Variants in HAS3 observed in about 807,000 individuals in gnomAD.
HAS3 encodes HA synthase 3.
HAS3 carries 27 observed loss-of-function variants against 50.3 expected under a neutral mutation model. That is an observed-to-expected ratio of 0.54 (90% CI 0.40 to 0.74). The LOEUF is 0.74. Ranked by LOEUF, HAS3 falls within the 30% of genes least tolerant of loss-of-function variation. HAS3 has a pLI of 0.00. For missense variants in HAS3, 517 were observed against 742.8 expected (o/e 0.70, Z 3.53); for synonymous variants, 339 against 310.9 (o/e 1.09, Z -0.95).
At position 69,109,541 on chromosome 16, in the gene HAS3, G is replaced by A; in HGVS notation, c.146G>A (p.Gly49Asp). ...CACTACCTGTCCTTCGGCCTGTACG[G>A]CGCCATCCTGGGCCTGCACCTGCTC... is the stretch of plus-strand genomic sequence containing the variant. ...EKHYLSFGLY[G>D]AILGLHLLIQ... The change falls in exon 2 of 4, where the codon GGC becomes GAC. Residue 49 changes from glycine (G) to aspartate (D), a missense_variant. Physicochemically the swap from Gly to Asp is moderately conservative, Grantham distance 94. Transcript: ENST00000569188. The surrounding 1 kb of genome is among the most constrained non-coding windows in gnomAD (Gnocchi z 5.3). 6.2e-7 allele frequency: 1 copy of A among 1,613,918 alleles called. No homozygotes were observed. Among genetic ancestry groups the A allele is most frequent in the Non-Finnish European group, 8.5e-7 (1 of 1,180,030 alleles).
rs978683718 is a variant in HAS3 at position 69,115,421 on chromosome 16, T to C, written c.*155T>C. ...TAAAATGCAAAGAACGGTGATGTAG[T>C]ATGGCCTGACAGCTCTGTTTAGAGG... On this transcript the variant is annotated 3_prime_UTR_variant, in exon 4 of 4. Transcript: ENST00000569188. The C allele has an allele frequency of 7.3e-7, 1 of 1,368,820 alleles. No individual in the cohort carries two copies. 84.8% of individuals were successfully genotyped at this position (1,368,820 alleles called of 1,614,324 possible). A position where few individuals can be genotyped will look rare whatever the true frequency, so the allele number is the denominator to read the frequency against.
the HAS3 span, among the ~76,000 whole-genome samples, chr16:69,100,640 A>T: frequency 6.6e-6 from 1 of 152,212 alleles, no homozygotes; most frequent in East Asian, 1.9e-4. Context: ...AGCGGAGCAG[A>T]ACCGTGGGAC....
At chr16:69,087,355 T>A in the HAS3 span, among the ~76,000 whole-genome samples, 1 of 152,250 alleles carries the variant, frequency 6.6e-6, no homozygotes, top group Non-Finnish European at 1.5e-5. Context: ...CTTTTTCAGG[T>A]TAGACTTCCT....
At chr16:69,117,983 A>G, downstream of HAS3, 1 of 252,000 alleles carries the variant, frequency 4.0e-6, no homozygotes. Flanking sequence ...CCTATGAAAC[A>G]GGTAACAAAA....
At position 69,115,961 on chromosome 16, in the gene HAS3, G is replaced by C. The variant is rs1961164719; in HGVS notation, c.*695G>C. 3.0e-6 allele frequency: 3 copies of C among 985,840 alleles called. No homozygotes were observed. Among genetic ancestry groups the C allele is most frequent in the Non-Finnish European group, 3.6e-6 (3 of 829,944 alleles). 61.1% of individuals were successfully genotyped at this position (985,840 alleles called of 1,614,324 possible). ...TTGCCAGGAGGAACAAAGAGATTGT[G>C]GTGGTGCTAAAGGAGGCCATAAGCT... is the stretch of plus-strand genomic sequence containing the variant. On this transcript the variant is annotated 3_prime_UTR_variant, in exon 4 of 4. Transcript: ENST00000569188.
chr16:69,111,851 A>G (rs1038807428), intron 2 of HAS3, among the ~76,000 whole-genome samples: 4 of 152,182 alleles, frequency 2.6e-5, no homozygotes, highest in African/African-American at 9.7e-5. Context: ...CCCTTCAAGC[A>G]CAGGATCTCA....
At chr16:69,095,454 C>A in the HAS3 span, among the ~76,000 whole-genome samples, 1 of 152,070 alleles carries the variant, frequency 6.6e-6, no homozygotes, top group African/African-American at 2.4e-5. Flanking sequence ...TAAGTCTCCG[C>A]TGAGGAGAAC....
upstream of HAS3, among the ~76,000 whole-genome samples, chr16:69,100,693 G>A (rs748401446): frequency 1.4e-4 from 21 of 152,174 alleles, no homozygotes; most frequent in Non-Finnish European, 2.5e-4. Context: ...TGCAGCTTCC[G>A]GCACTGGTGA....
At position 69,116,565 on chromosome 16, in the gene HAS3, C is replaced by T; in HGVS notation, c.*1299C>T. 1.0e-6 allele frequency: 1 copy of T among 985,730 alleles called. No homozygotes were observed. Among genetic ancestry groups the T allele is most frequent in the Non-Finnish European group, 1.2e-6 (1 of 829,884 alleles). The allele number at this position is 985,730 out of a possible 1,614,324, so 61.1% of individuals were successfully genotyped here. A position where few individuals can be genotyped will look rare whatever the true frequency, so the allele number is the denominator to read the frequency against. On this transcript the variant is annotated 3_prime_UTR_variant, in exon 4 of 4. Coordinates refer to ENST00000569188, the MANE Select transcript of HAS3 (RefSeq NM_001199280.2). ...CAGTGGCTTCTCCAGGGAATTCTTA[C>T]AGCCAAGTTGTGACAGTCACTGCAT...
chr16:69,105,948 C>T (rs1004691905), intron 1 of HAS3, among the ~76,000 whole-genome samples, 161 bp downstream of exon 1: 5 of 152,258 alleles, frequency 3.3e-5, no homozygotes, highest in African/African-American at 1.2e-4. Flanking sequence ...AGGGCGATTG[C>T]AGAGCCGCGT....
Position 69,114,294 on chromosome 16 carries a change from C to G in HAS3, c.739-49C>G. On this transcript the variant is annotated intron_variant, in intron 3 of 3. Coordinates refer to ENST00000569188, the MANE Select transcript of HAS3 (RefSeq NM_001199280.2). The surrounding 1 kb of genome is among the most constrained non-coding windows in gnomAD (Gnocchi z 6.4). ...AGGCCTCGTGGTCTCTGATGTCTGT[C>G]CTCCGGACGTGCAACCTTAGGAGGC... The G allele has an allele frequency of 6.5e-7, 1 of 1,536,230 alleles. No homozygotes were observed. The highest frequency in any genetic ancestry group is 8.7e-7 in the Non-Finnish European group (1 of 1,146,832).
chr16:69,099,204 C>T, the HAS3 span, among the ~76,000 whole-genome samples: 6 of 152,080 alleles, frequency 3.9e-5, no homozygotes, highest in Non-Finnish European at 5.9e-5. Context: ...ATCTCCTGAC[C>T]TTGTGATCTA....
chr16:69,112,886 G>A (rs1290292861), intron 2 of HAS3, among the ~76,000 whole-genome samples: 1 of 152,246 alleles, frequency 6.6e-6, no homozygotes, highest in Admixed American at 6.5e-5. Flanking sequence ...CCTGGTCCGA[G>A]AGGCTCGGCC....
chr16:69,084,175 C>T, the HAS3 span: 1 of 152,456 alleles, frequency 6.6e-6, no homozygotes, highest in Non-Finnish European at 1.5e-5. Context: ...AAATAGTTAT[C>T]AAATAATGCA....
the HAS3 span, among the ~76,000 whole-genome samples, chr16:69,088,557 CAAAAAA>C: frequency 1.9e-5 from 1 of 52,288 alleles, no homozygotes; most frequent in African/African-American, 6.1e-5. Context: ...GACTCCATCT[CAAAAAA>C]AAAAAAAAAA....
chr16:69,105,573 A>C (rs989784061), upstream of HAS3: 4 of 152,268 alleles, frequency 2.6e-5, no homozygotes, highest in Admixed American at 6.5e-5. Flanking sequence ...CCTTAAAGTC[A>C]TCAGCGCCCC....
chr16:69,099,986 G>C, the HAS3 span, among the ~76,000 whole-genome samples: 1 of 152,106 alleles, frequency 6.6e-6, no homozygotes, highest in African/African-American at 2.4e-5. Context: ...CAGCATAAAA[G>C]AACCTGGCCC....
chr16:69,100,545 T>C, the HAS3 span, among the ~76,000 whole-genome samples: 1 of 152,078 alleles, frequency 6.6e-6, no homozygotes, highest in African/African-American at 2.4e-5. Context: ...CAGTGAAGCG[T>C]TAAGGGCAGA....
chr16:69,101,577 T>A (rs1159823963), upstream of HAS3, among the ~76,000 whole-genome samples: 2 of 152,084 alleles, frequency 1.3e-5, no homozygotes, highest in African/African-American at 4.8e-5. Context: ...TCTAAACACA[T>A]GTCCCCCATT....
Sources: allele counts gnomAD v4.1 joint callset (sites outside exome capture counted in the v4.1 genomes callset), GRCh38; gene constraint gnomAD v4.1.1; non-coding constraint Gnocchi (gnomAD v3.1); transcripts MANE v1.5; gene names NCBI Gene and HGNC (gene_info 2026-07-23, HGNC 2026-07-21).